The following DISP3 variants were observed in gnomAD, a reference collection of about 807,000 sequenced individuals.
The protein encoded by DISP3 is dispatched RND transporter family member 3.
Under a neutral mutation model 135.3 loss-of-function variants are expected in DISP3, and 101 were observed. That is an observed-to-expected ratio of 0.75 (90% confidence interval 0.64 to 0.88). The LOEUF is 0.88. Ranked by LOEUF, DISP3 falls within the 40% of genes least tolerant of loss-of-function variation. The pLI, the probability that DISP3 is intolerant of heterozygous loss-of-function variation, is 0.00. For synonymous variants in DISP3, 856 were observed against 817.0 expected, an observed-to-expected ratio of 1.05 and a Z score of -0.81; for missense variants, 1,713 against 1,878.6, an observed-to-expected ratio of 0.91 and a Z score of 1.63.
At chr1:11,506,969 TTTTTTG>T (rs1032918930) in intron 3 of DISP3, among the ~76,000 whole-genome samples, 2 of 152,018 alleles carry the variant, frequency 1.3e-5, no homozygotes, top group African/African-American at 4.8e-5. Flanking sequence ...GCCCAGCTAG[TTTTTTG>T]TTTTTGTTTT....
At chr1:11,522,583 AGACCCAGCCAG>A (rs1642235752) in intron 10 of DISP3, among the ~76,000 whole-genome samples, 7 of 54,494 alleles carry the variant, frequency 1.3e-4, no homozygotes, top group East Asian at 5.2e-4. Context: ...GACCCAGCCA[AGACCCAGCCAG>A]GACCCAGCCA....
In DISP3 at chr1:11,499,039, A is replaced by G. The variant is rs1264698243; in HGVS notation, c.-3-1951A>G. Among the ~76,000 whole-genome samples, 1 of 152,118 alleles carries G rather than the reference A, an allele frequency of 6.6e-6. No homozygotes were observed. Among genetic ancestry groups the G allele is most frequent in the African/African-American group, 2.4e-5 (1 of 41,396 alleles). Reference sequence around the variant, plus strand: ...TTAGACAGGAAGCTGGGGGGTTCAGATCTGGGAAAGCTTCTTGGAAGAGGT... The same window carrying G: ...TTAGACAGGAAGCTGGGGGGTTCAGGTCTGGGAAAGCTTCTTGGAAGAGGT... On this transcript the variant is annotated intron_variant, in intron 1 of 20. Transcript: ENST00000294484. This position sits in a 1 kb window ranked among gnomAD's most constrained non-coding sequence, Gnocchi z 5.2.
At chr1:11,494,117 C>A (rs1641264307) in intron 1 of DISP3, among the ~76,000 whole-genome samples, 1 of 152,238 alleles carries the variant, frequency 6.6e-6, no homozygotes, top group African/African-American at 2.4e-5. Flanking sequence ...AACTCCAGTT[C>A]TGCCCCTTAG....
intron 5 of DISP3, 107 bp downstream of exon 5, chr1:11,515,610 C>T (rs927317207): frequency 6.5e-5 from 94 of 1,452,170 alleles, no homozygotes; most frequent in Middle Eastern, 2.1e-4. Flanking sequence ...CTCTACACAG[C>T]GCCTGCTGAG....
At chr1:11,513,593 A>T (rs1641918591) in intron 3 of DISP3, among the ~76,000 whole-genome samples, 1 of 151,626 alleles carries the variant, frequency 6.6e-6, no homozygotes, top group Admixed American at 6.6e-5. Flanking sequence ...TTTGGTTATG[A>T]TGTGCATTGC....
intron 10 of DISP3, among the ~76,000 whole-genome samples, chr1:11,522,815 G>A (rs1478087071): frequency 1.5e-4 from 18 of 122,988 alleles, no homozygotes; most frequent in East Asian, 2.9e-4. Flanking sequence ...ACCCAGCCAG[G>A]ACCCAGCCAG....
chr1:11,523,830 TG>T, intron 10 of DISP3, 111 bp from the exon 11 acceptor site: 1 of 779,400 alleles, frequency 1.3e-6, no homozygotes, highest in Non-Finnish European at 2.1e-6. Context: ...CTCCAGTCCC[TG>T]GGCCCCAGTT....
rs900476571 is a variant in DISP3 at position 11,525,410 on chromosome 1, G to A, written c.2613+98G>A. 17 of 1,402,904 alleles carry A rather than the reference G, an allele frequency of 1.2e-5. No homozygotes were observed. The African/African-American group carries it at 2.3e-4, about 19-fold the overall frequency. 86.9% of individuals were successfully genotyped at this position (1,402,904 alleles called of 1,614,324 possible). On this transcript the variant is annotated intron_variant, in intron 12 of 20. Transcript: ENST00000294484. ...GGCAGCCCTGGCCAATAGGGAGGGA[G>A]AAGCAGCTTTGAGGATGAAGACCCC...
intron 3 of DISP3, among the ~76,000 whole-genome samples, chr1:11,506,551 G>A (rs1180607816): frequency 6.6e-6 from 1 of 151,494 alleles, no homozygotes; most frequent in African/African-American, 2.4e-5. Flanking sequence ...TTATTGTTCG[G>A]TTTTTCCTTT....
At chr1:11,493,158 C>A (rs1249655593) in intron 1 of DISP3, among the ~76,000 whole-genome samples, 3 of 152,148 alleles carry the variant, frequency 2.0e-5, no homozygotes, top group Admixed American at 6.5e-5. Flanking sequence ...CCCAGGAGAG[C>A]TGATGGTATA....
chr1:11,517,308 C>T (rs1201858099), intron 6 of DISP3, among the ~76,000 whole-genome samples, 155 bp from the exon 7 acceptor site: 1 of 152,228 alleles, frequency 6.6e-6, no homozygotes, highest in African/African-American at 2.4e-5. Flanking sequence ...TCCTGTGAGG[C>T]TAGTGCCTGG....
At chr1:11,517,183 T>C (rs1642036393) in intron 6 of DISP3, among the ~76,000 whole-genome samples, 1 of 152,226 alleles carries the variant, frequency 6.6e-6, no homozygotes, top group Admixed American at 6.5e-5. Context: ...GACCACTGCC[T>C]CTGTGCCAGG....
At position 11,516,651 on chromosome 1, in the gene DISP3, G is replaced by GA. The variant is rs1010942369; in HGVS notation, c.1749+491dup. On this transcript the variant is annotated intron_variant, in intron 6 of 20. Transcript: ENST00000294484. The surrounding 1 kb of genome is among the most constrained non-coding windows in gnomAD (Gnocchi z 5.1). ...GTGCTGACTTCCTCTTGCTGCCTCT[G>GA]AGTGGGGCTTAGGAGAAGGCATTGA... 6.6e-6 allele frequency among the ~76,000 whole-genome samples: 1 copy of GA among 152,216 alleles called. No homozygotes were observed. The highest frequency in any genetic ancestry group is 2.4e-5 in the African/African-American group (1 of 41,448).
intron 15 of DISP3, 81 bp from the exon 16 acceptor site, chr1:11,530,826 C>T: frequency 1.3e-6 from 2 of 1,565,220 alleles, no homozygotes; most frequent in Non-Finnish European, 1.7e-6. Context: ...GAGGTTCTGC[C>T]CCAGGGTTGG....
rs2100513931 is a variant in DISP3 at position 11,531,587 on chromosome 1, G to A, written c.3252G>A (p.Leu1084=). ...CAGGCTACAGCATCTCCTCCTTCCTGCAGATGTTGCACCCTGAGTGCAAGG... is the reference window on the plus strand; with the variant it reads ...CAGGCTACAGCATCTCCTCCTTCCTACAGATGTTGCACCCTGAGTGCAAGG... ...LPSGYSISSF[L]QMLHPECKEL... Residue 1084 remains leucine (L), a synonymous_variant, in exon 17 of 21, where the codon CTG becomes CTA. Coordinates refer to ENST00000294484, the MANE Select transcript of DISP3 (RefSeq NM_020780.2). The surrounding 1 kb of genome is among the most constrained non-coding windows in gnomAD (Gnocchi z 5.2). The A allele has an allele frequency of 1.2e-6, 2 of 1,613,562 alleles. No individual in the cohort carries two copies. The highest frequency in any genetic ancestry group is 1.7e-6 in the Non-Finnish European group (2 of 1,179,966).
In DISP3 at chr1:11,520,413, G is replaced by A. The variant is rs898761266; in HGVS notation, c.2201-274G>A. On this transcript the variant is annotated intron_variant, in intron 9 of 20. Coordinates refer to ENST00000294484, the MANE Select transcript of DISP3 (RefSeq NM_020780.2). This position sits in a 1 kb window ranked among gnomAD's most constrained non-coding sequence, Gnocchi z 4.8. ...TGCACCAGCTCGTCATAAACTATGA[G>A]GTGCTCTGAGGTGGTGGCCGCCTCT... Among the ~76,000 whole-genome samples, 2 of 152,146 alleles carry A rather than the reference G, an allele frequency of 1.3e-5. No homozygotes were observed. The highest frequency in any genetic ancestry group is 4.8e-5 in the African/African-American group (2 of 41,428).
At chr1:11,502,370 G>C (rs762829458) in intron 2 of DISP3, among the ~76,000 whole-genome samples, 2 of 152,252 alleles carry the variant, frequency 1.3e-5, no homozygotes, top group Non-Finnish European at 2.9e-5. Flanking sequence ...CCTCGGGTGT[G>C]AGGCTGGTTA....
rs188216915 is a variant in DISP3 at position 11,494,559 on chromosome 1, G to C, written c.-3-6431G>C. ...GGACGTAGGACAGTGATGCCTGGGA[G>C]GCACCAAGGCCTCCTCTTTTCTTTC... On this transcript the variant is annotated intron_variant, in intron 1 of 20. Coordinates refer to ENST00000294484, the MANE Select transcript of DISP3 (RefSeq NM_020780.2). Among the ~76,000 whole-genome samples the C allele has an allele frequency of 3.3e-5, 5 of 152,300 alleles. No individual in the cohort carries two copies. The East Asian group carries it at 9.6e-4, about 29-fold the overall frequency.
chr1:11,493,602 T>C (rs1641247685), intron 1 of DISP3, among the ~76,000 whole-genome samples: 1 of 152,096 alleles, frequency 6.6e-6, no homozygotes, highest in Non-Finnish European at 1.5e-5. Flanking sequence ...CATGCACCTG[T>C]AATCCCAGCT....
Sources: allele counts gnomAD v4.1 joint callset (sites outside exome capture counted in the v4.1 genomes callset), GRCh38; gene constraint gnomAD v4.1.1; non-coding constraint Gnocchi (gnomAD v3.1); transcripts MANE v1.5; gene names NCBI Gene and HGNC (gene_info 2026-07-23, HGNC 2026-07-21).